The following KIF14 variants were observed in gnomAD, a reference collection of about 807,000 sequenced individuals.
KIF14 encodes kinesin family member 14.
In KIF14, 98 loss-of-function variants were observed where a neutral mutation model predicts 176.2. That is an observed-to-expected ratio of 0.56 (90% confidence interval 0.47 to 0.66). KIF14 has a LOEUF of 0.66. Among genes scored for constraint, KIF14 ranks in the 30% least tolerant of loss-of-function variants. The probability of loss-of-function intolerance (pLI) is 0.00; values close to 1 mark genes in which losing one functional copy is unlikely to be tolerated. For missense variants in KIF14, 1,751 were observed against 1,920.4 expected, an observed-to-expected ratio of 0.91 and a Z score of 1.65; for synonymous variants, 566 against 632.2, an observed-to-expected ratio of 0.90 and a Z score of 1.57.
Position 200,596,750 on chromosome 1 carries a change from A to C in KIF14, c.2549+1487T>G, listed in dbSNP as rs1174246302. 2.0e-5 allele frequency among the ~76,000 whole-genome samples: 3 copies of C among 151,660 alleles called. No homozygotes were observed. The East Asian group carries it at 5.8e-4, about 29-fold the overall frequency. ...GGGCTAATTTTTGTATTTTCAGTAGAGATGAGGTTTCACCATGTTGGCCAG... is the reference window on the plus strand; with the variant it reads ...GGGCTAATTTTTGTATTTTCAGTAGCGATGAGGTTTCACCATGTTGGCCAG... On this transcript the variant is annotated intron_variant, in intron 14 of 29. Coordinates refer to ENST00000367350, the MANE Select transcript of KIF14 (RefSeq NM_014875.3).
At chr1:200,582,540 C>A (rs560030222) in intron 19 of KIF14, among the ~76,000 whole-genome samples, 2 of 152,086 alleles carry the variant, frequency 1.3e-5, no homozygotes, top group African/African-American at 4.8e-5. Context: ...AAAAGTATTG[C>A]CTCCTGGCAA....
intron 4 of KIF14, among the ~76,000 whole-genome samples, chr1:200,613,798 G>A (rs1048982253): frequency 6.6e-6 from 1 of 152,154 alleles, no homozygotes; most frequent in African/African-American, 2.4e-5. Flanking sequence ...AAGCTGCCTG[G>A]CAACAGCAGA....
Position 200,608,822 on chromosome 1 carries a change from A to C in KIF14, c.1554+8T>G, listed in dbSNP as rs1397708619. On this transcript the variant is annotated splice_region_variant and intron_variant, in intron 5 of 29. Transcript: ENST00000367350. ...TTCAAAACAAATAATAAATTGTTTT[A>C]ATCTTACTGGTTGCTTTCTCTGCCC... 2.0e-6 allele frequency: 3 copies of C among 1,510,326 alleles called. No homozygotes were observed. The highest frequency in any genetic ancestry group is 2.8e-6 in the Non-Finnish European group (3 of 1,088,100). 93.6% of individuals were successfully genotyped at this position (1,510,326 alleles called of 1,614,324 possible).
chr1:200,557,886 C>A (rs984132463), intron 27 of KIF14, among the ~76,000 whole-genome samples: 7 of 152,090 alleles, frequency 4.6e-5, no homozygotes, highest in African/African-American at 1.4e-4. Flanking sequence ...ATCTCAGGAA[C>A]CTAAATGTCC....
chr1:200,572,383 C>A (rs1310722178), intron 22 of KIF14, among the ~76,000 whole-genome samples: 1 of 152,074 alleles, frequency 6.6e-6, no homozygotes, highest in Non-Finnish European at 1.5e-5. Flanking sequence ...CTCGCTCTAT[C>A]GCCCAGGCTG....
chr1:200,586,167 G>A lies in KIF14; in HGVS notation c.3175C>T (p.Gln1059Ter), dbSNP rs1658726888. 1 of 1,600,056 alleles carries A rather than the reference G, an allele frequency of 6.2e-7. No individual in the cohort carries two copies. Among genetic ancestry groups the A allele is most frequent in the African/African-American group, 1.3e-5 (1 of 74,504 alleles). ...RILEALETEK[Q>*]KIAKEVQILQ... ...ATTTGTACTTCTTTAGCAATTTTTTGCTTTTCAGTTTCTAAAGCTTCCAGA... is the reference window on the plus strand; with the variant it reads ...ATTTGTACTTCTTTAGCAATTTTTTACTTTTCAGTTTCTAAAGCTTCCAGA... Residue 1059 changes from glutamine to a stop codon, truncating the protein, a stop_gained, in exon 19 of 30, where the codon CAA becomes TAA. Transcript: ENST00000367350. LOFTEE classifies it high-confidence loss of function.
intron 28 of KIF14, among the ~76,000 whole-genome samples, chr1:200,555,120 A>C (rs1367265569): frequency 6.6e-6 from 1 of 152,148 alleles, no homozygotes; most frequent in Non-Finnish European, 1.5e-5. Flanking sequence ...ATCCAAGCAA[A>C]AGCTGACAGT....
chr1:200,553,709 G>A lies in KIF14; in HGVS notation c.4626C>T (p.Ala1542=). The change falls in exon 30 of 30, where the codon GCC becomes GCT. Residue 1542 remains alanine, a synonymous_variant. Coordinates refer to ENST00000367350, the MANE Select transcript of KIF14 (RefSeq NM_014875.3). The part of the protein sequence containing the change: ...QTCVESIRNL[A]SDFYSDFSVP... ...CACTGAAGTCACTGTAAAAATCACTGGCCAAGTTGCGAATACTTTCAACAC... is the reference window on the plus strand; with the variant it reads ...CACTGAAGTCACTGTAAAAATCACTAGCCAAGTTGCGAATACTTTCAACAC... 1 of 1,612,114 alleles carries A rather than the reference G, an allele frequency of 6.2e-7. No individual in the cohort carries two copies. Among genetic ancestry groups the A allele is most frequent in the Non-Finnish European group, 8.5e-7 (1 of 1,178,562 alleles).
Position 200,560,332 on chromosome 1 carries a change from C to T in KIF14, c.4230+390G>A, listed in dbSNP as rs183138294. 3.3e-3 allele frequency among the ~76,000 whole-genome samples: 509 copies of T among 152,068 alleles called. 3 individuals carry two copies. The highest frequency in any genetic ancestry group is 0.011 in the African/African-American group (467 of 41,522). ...TGTCACCCAGGCTGGAGTGCACTGG[C>T]GCAATCTCAGCTCAACGCAACCTCT... On this transcript the variant is annotated intron_variant, in intron 26 of 29. Coordinates refer to ENST00000367350, the MANE Select transcript of KIF14 (RefSeq NM_014875.3).
chr1:200,555,316 C>T (rs1656774644), intron 28 of KIF14, 64 bp downstream of exon 28: 3 of 1,029,016 alleles, frequency 2.9e-6, no homozygotes, highest in African/African-American at 1.6e-5. Flanking sequence ...AAAATATCTA[C>T]ATTTGAACCA....
chr1:200,570,111 T>G (rs1657695265), intron 22 of KIF14, 106 bp from the exon 23 acceptor site: 4 of 536,884 alleles, frequency 7.5e-6, no homozygotes, highest in Middle Eastern at 5.1e-4. Flanking sequence ...ATGTGTGTGT[T>G]TTTCATTAAA....
intron 12 of KIF14, 116 bp from the exon 13 acceptor site, chr1:200,600,229 A>G: frequency 5.0e-6 from 6 of 1,200,246 alleles, no homozygotes; most frequent in Non-Finnish European, 7.3e-6. Context: ...AAATATGATA[A>G]TCTGGGAGTG....
At chr1:200,614,182 C>T (rs1660292365) in intron 4 of KIF14, 136 bp downstream of exon 4, 1 of 538,594 alleles carries the variant, frequency 1.9e-6, no homozygotes, top group South Asian at 2.8e-5. Context: ...CTCCATACCA[C>T]TGTTCCAAAG....
rs371078347 is a variant in KIF14, at chr1:200,618,691, G to C, written c.33C>G (p.Asn11Lys). 1.2e-6 allele frequency: 2 copies of C among 1,610,832 alleles called. No homozygotes were observed. Among genetic ancestry groups the C allele is most frequent in the African/African-American group, 2.7e-5 (2 of 74,914 alleles). ...AAGGAATATCAAGAATATCACCGCT[G>C]TTATTTCTATTATGAGTACTGTGTA... Reference protein sequence around the residue: MSLHSTHNRNNSGDILDIPSS... With the variant: MSLHSTHNRNKSGDILDIPSS... Residue 11 changes from asparagine (N) to lysine (K), a missense_variant, in exon 2 of 30, where the codon AAC becomes AAG. Physicochemically the swap from Asn to Lys is moderately conservative, Grantham distance 94 (BLOSUM62 0). Transcript: ENST00000367350.
chr1:200,605,027 G>C (rs973212048), intron 8 of KIF14, among the ~76,000 whole-genome samples: 2 of 151,984 alleles, frequency 1.3e-5, no homozygotes, highest in African/African-American at 4.8e-5. Context: ...TTGAAACTAA[G>C]GCATATTTCC....
chr1:200,619,438 C>T (rs796353977), intron 1 of KIF14, among the ~76,000 whole-genome samples: 9 of 152,200 alleles, frequency 5.9e-5, no homozygotes, highest in African/African-American at 2.2e-4. Flanking sequence ...CTGCAACCTC[C>T]TCCTCCTGTA....
rs540206181 is a variant in KIF14 at position 200,576,434 on chromosome 1, C to T, written c.3466-743G>A. Reference sequence around the variant, plus strand: ...CGGAGCTTGCAGTGAGCCGAGATCGCGCCACTGCACTCCAGCCTGGGCGAC... The same window carrying T: ...CGGAGCTTGCAGTGAGCCGAGATCGTGCCACTGCACTCCAGCCTGGGCGAC... On this transcript the variant is annotated intron_variant, in intron 21 of 29. Transcript: ENST00000367350. Among the ~76,000 whole-genome samples, 590 of 147,390 alleles carry T rather than the reference C, an allele frequency of 4.0e-3. 5 individuals are homozygous for T. The highest frequency in any genetic ancestry group is 0.014 in the African/African-American group (557 of 39,672).
chr1:200,573,201 A>T (rs767363635), intron 22 of KIF14, among the ~76,000 whole-genome samples: 3 of 152,166 alleles, frequency 2.0e-5, no homozygotes, highest in Non-Finnish European at 4.4e-5. Flanking sequence ...CTCTGTACAT[A>T]GGACCTCACT....
intron 2 of KIF14, 108 bp downstream of exon 2, chr1:200,617,504 C>G: frequency 9.2e-7 from 1 of 1,086,842 alleles, no homozygotes; most frequent in African/African-American, 1.6e-5. Flanking sequence ...AAAGTATTGC[C>G]AACAAGTTTG....
Sources: gnomAD v4.1 joint callset for allele counts (sites outside exome capture counted in the v4.1 genomes callset) on GRCh38, gnomAD v4.1.1 for gene constraint, MANE v1.5 for transcripts, NCBI Gene and HGNC (gene_info 2026-07-23, HGNC 2026-07-21) for gene names.